The following FBXL2 variants were observed in gnomAD, a reference collection of about 807,000 sequenced individuals.
FBXL2 encodes the protein F-box and leucine rich repeat protein 2.
Under a neutral mutation model 69.2 loss-of-function variants are expected in FBXL2, and 38 were observed. That is an observed-to-expected ratio of 0.55 (90% CI 0.42 to 0.72). The LOEUF is 0.72. FBXL2 is among the 30% of genes least tolerant of loss of function. The probability of loss-of-function intolerance (pLI) is 0.00; values close to 1 mark genes in which losing one functional copy is unlikely to be tolerated. For synonymous variants in FBXL2, 192 were observed against 201.3 expected (o/e 0.95, Z 0.39); for missense variants, 354 against 520.3 (o/e 0.68, Z 3.11).
intron 2 of FBXL2, among the ~76,000 whole-genome samples, chr3:33,307,209 A>G (rs1469849238): frequency 6.6e-6 from 1 of 152,200 alleles, no homozygotes; most frequent in African/African-American, 2.4e-5. Flanking sequence ...GATAGACATC[A>G]TATGCCTGCT....
At chr3:33,417,940 A>G in the FBXL2 span, among the ~76,000 whole-genome samples, 1 of 152,244 alleles carries the variant, frequency 6.6e-6, no homozygotes, top group Non-Finnish European at 1.5e-5. Flanking sequence ...GGAAAACAGC[A>G]TATATATAGT....
At chr3:33,363,704 C>G (rs1409705878) in intron 4 of FBXL2, among the ~76,000 whole-genome samples, 2 of 152,162 alleles carry the variant, frequency 1.3e-5, no homozygotes, top group Non-Finnish European at 2.9e-5. Flanking sequence ...CCTAAGGGAT[C>G]TTCTGTATTC....
chr3:33,413,128 G>T, the FBXL2 span, among the ~76,000 whole-genome samples: 1 of 152,092 alleles, frequency 6.6e-6, no homozygotes, highest in African/African-American at 2.4e-5. Flanking sequence ...AAATTAATGA[G>T]CAAGAATTAC....
At position 33,385,642 on chromosome 3, in the gene FBXL2, A is replaced by T; in HGVS notation, c.*34A>T. Reference sequence around the variant, plus strand: ...GCCTGGGCCCAAGGGGTGATGAGGCATCCTTTCCTCTAGAAGACCTGAGTC... The same window carrying T: ...GCCTGGGCCCAAGGGGTGATGAGGCTTCCTTTCCTCTAGAAGACCTGAGTC... On this transcript the variant is annotated 3_prime_UTR_variant, in exon 15 of 15. Transcript: ENST00000484457. The T allele has an allele frequency of 2.6e-6, 4 of 1,551,872 alleles. No individual in the cohort carries two copies. The highest frequency in any genetic ancestry group is 3.6e-6 in the Non-Finnish European group (4 of 1,123,554).
At chr3:33,383,955 C>A (rs1311761463) in intron 13 of FBXL2, 34 bp from the exon 14 acceptor site, 1 of 1,600,140 alleles carries the variant, frequency 6.2e-7, no homozygotes, top group African/African-American at 1.3e-5. Flanking sequence ...GAATAAGGGT[C>A]CTGCAAACAT....
In FBXL2 at chr3:33,386,087, A is replaced by G. The variant is rs2043409330; in HGVS notation, c.*479A>G. 1 of 173,950 alleles carries G rather than the reference A, an allele frequency of 5.7e-6. No homozygotes were observed. Among genetic ancestry groups the G allele is most frequent in the Non-Finnish European group, 1.3e-5 (1 of 79,826 alleles). The allele number at this position is 173,950 out of a possible 1,614,324, so 10.8% of individuals were successfully genotyped here. A position where few individuals can be genotyped will look rare whatever the true frequency, so the allele number is the denominator to read the frequency against. On this transcript the variant is annotated 3_prime_UTR_variant, in exon 15 of 15. Coordinates refer to ENST00000484457, the MANE Select transcript of FBXL2 (RefSeq NM_012157.5). ...TTTGAAGATAAATAGCAACTTTATC[A>G]AAGTGACTGTACTGCAAATTAATTC...
intron 2 of FBXL2, among the ~76,000 whole-genome samples, chr3:33,316,525 T>C (rs1450266319): frequency 6.6e-6 from 1 of 152,148 alleles, no homozygotes; most frequent in Non-Finnish European, 1.5e-5. Flanking sequence ...TCATGTGCTA[T>C]TTGATTAGTC....
rs2038187862 is a variant in FBXL2, at chr3:33,321,293, G to C, written c.65+23568G>C. On this transcript the variant is annotated intron_variant, in intron 2 of 14. Coordinates refer to ENST00000484457, the MANE Select transcript of FBXL2 (RefSeq NM_012157.5). ...CCATTGCACTCCAGCCTGGGTGACAGAGCCTGACTCCATCTCAAAAAAAAA... is the reference window on the plus strand; with the variant it reads ...CCATTGCACTCCAGCCTGGGTGACACAGCCTGACTCCATCTCAAAAAAAAA... 4.7e-5 allele frequency among the ~76,000 whole-genome samples: 7 copies of C among 148,058 alleles called. No homozygotes were observed. The East Asian group carries it at 1.2e-3, about 25-fold the overall frequency.
chr3:33,402,962 A>G (rs557461010), intron 12 of FBXL2: 1 of 1,428,956 alleles, frequency 7.0e-7, no homozygotes, highest in African/African-American at 1.4e-5. Context: ...TGGAAGAAAT[A>G]TTTTTGTAAT....
Position 33,365,754 on chromosome 3 carries a change from C to CAAA in FBXL2, c.290+1035_290+1036insAAA, listed in dbSNP as rs576240547. Reference sequence around the variant, plus strand: ...ACAAACAAACAAACAAACAAACAAACCAACAACAATTTGTGCTTTGAGGAT... The same window carrying CAAA: ...ACAAACAAACAAACAAACAAACAAACAAACAACAACAATTTGTGCTTTGAGGAT... On this transcript the variant is annotated intron_variant, in intron 5 of 14. Coordinates refer to ENST00000484457, the MANE Select transcript of FBXL2 (RefSeq NM_012157.5). 6.8e-3 allele frequency among the ~76,000 whole-genome samples: 464 copies of CAAA among 67,978 alleles called. 4 individuals carry two copies. In the Middle Eastern group the frequency reaches 0.073, roughly 11 times the overall value. 44.6% of individuals were successfully genotyped at this position (67,978 alleles called of 152,430 possible).
At chr3:33,371,247 C>T (rs2154047349) in intron 5 of FBXL2, among the ~76,000 whole-genome samples, 1 of 151,476 alleles carries the variant, frequency 6.6e-6, no homozygotes, top group Admixed American at 6.6e-5. Context: ...TCACTGCAAC[C>T]TCCACCTCCC....
upstream of FBXL2, chr3:33,277,187 A>T: frequency 9.0e-5 from 29 of 323,768 alleles, no homozygotes; most frequent in South Asian, 1.6e-4. Flanking sequence ...GTTTTTTTTA[A>T]AAAAAAAAAA....
chr3:33,402,934 A>T, intron 12 of FBXL2: 1 of 1,532,588 alleles, frequency 6.5e-7, no homozygotes, highest in Non-Finnish European at 8.9e-7. Context: ...TAAATTAGTG[A>T]TATGCTTTTA....
the FBXL2 span, chr3:33,411,549 T>G: frequency 3.2e-6 from 5 of 1,577,910 alleles, no homozygotes; most frequent in Non-Finnish European, 2.6e-6. Flanking sequence ...ATAACTAGGT[T>G]AGTAAGCTTC....
At chr3:33,357,380 CAT>C in intron 2 of FBXL2, among the ~76,000 whole-genome samples, 1 of 152,058 alleles carries the variant, frequency 6.6e-6, no homozygotes, top group East Asian at 1.9e-4. Context: ...GTGGGATGGT[CAT>C]ATGTCACAGA....
intron 5 of FBXL2, among the ~76,000 whole-genome samples, chr3:33,369,432 CT>C (rs1442551269): frequency 6.6e-6 from 1 of 152,014 alleles, no homozygotes; most frequent in African/African-American, 2.4e-5. Flanking sequence ...TTAGTTGTTG[CT>C]TTAGAGTTTA....
intron 2 of FBXL2, among the ~76,000 whole-genome samples, chr3:33,322,408 G>T (rs1198142483): frequency 2.0e-5 from 3 of 151,990 alleles, no homozygotes; most frequent in Admixed American, 6.6e-5. Context: ...AATGTTTATA[G>T]CAGTGGTATT....
At chr3:33,372,079 G>T (rs1159608490) in intron 5 of FBXL2, among the ~76,000 whole-genome samples, 1 of 152,144 alleles carries the variant, frequency 6.6e-6, no homozygotes, top group Non-Finnish European at 1.5e-5. Context: ...TGATCAGTGT[G>T]GTACTGAATT....
At chr3:33,373,956 C>T (rs779964674) in intron 9 of FBXL2, 35 bp downstream of exon 9, 3 of 1,605,986 alleles carry the variant, frequency 1.9e-6, no homozygotes, top group Admixed American at 1.7e-5. Flanking sequence ...ACTGTTTGCT[C>T]TATCTTGTCT....
Sources: gnomAD v4.1 joint callset for allele counts (sites outside exome capture counted in the v4.1 genomes callset) on GRCh38, gnomAD v4.1.1 for gene constraint, MANE v1.5 for transcripts, NCBI Gene and HGNC (gene_info 2026-07-23, HGNC 2026-07-21) for gene names.